The following RHOJ variants were observed in gnomAD, a reference collection of about 807,000 sequenced individuals.
RHOJ encodes the protein ras homolog family member J.
Under a neutral mutation model 23.4 loss-of-function variants are expected in RHOJ, and 11 were observed. The observed-to-expected ratio is 0.47, with a 90% CI of 0.30 to 0.78. RHOJ has a LOEUF of 0.78. Among genes scored for constraint, RHOJ ranks in the 30% least tolerant of loss-of-function variants. The pLI, the probability that RHOJ is intolerant of heterozygous loss-of-function variation, is 0.08. For missense variants in RHOJ, 254 were observed against 273.4 expected (o/e 0.93, Z 0.50); for synonymous variants, 102 against 102.7 (o/e 0.99, Z 0.04).
intron 1 of RHOJ, among the ~76,000 whole-genome samples, chr14:63,256,711 A>G (rs970556844): frequency 5.9e-5 from 9 of 152,212 alleles, no homozygotes; most frequent in African/African-American, 2.2e-4. Context: ...AGGCCGAGGC[A>G]GGCAGATCAC....
intron 4 of RHOJ, among the ~76,000 whole-genome samples, chr14:63,284,661 C>G (rs970470297): frequency 6.6e-6 from 1 of 152,296 alleles, no homozygotes; most frequent in African/African-American, 2.4e-5. Context: ...CTCAAATGCT[C>G]TCATTAAGAT....
intron 1 of RHOJ, among the ~76,000 whole-genome samples, chr14:63,265,483 T>C (rs115127710): frequency 0.053 from 8,135 of 152,358 alleles, 251 homozygotes; most frequent in East Asian, 0.086. Context: ...TCTTTTTGCT[T>C]AGAATTGCTT....
At chr14:63,290,740 AGAC>A in intron 4 of RHOJ, 135 bp from the exon 5 acceptor site, 5 of 635,982 alleles carry the variant, frequency 7.9e-6, no homozygotes, top group South Asian at 3.9e-5. Context: ...AAAAAAAAAA[AGAC>A]AAACATAATC....
intron 2 of RHOJ, among the ~76,000 whole-genome samples, chr14:63,277,269 G>T (rs1881746426): frequency 6.6e-6 from 1 of 152,148 alleles, no homozygotes; most frequent in South Asian, 2.1e-4. Flanking sequence ...CCATCAGGAG[G>T]ATGCAATGAG....
At chr14:63,249,253 C>G (rs1291615264) in intron 1 of RHOJ, among the ~76,000 whole-genome samples, 1 of 152,194 alleles carries the variant, frequency 6.6e-6, no homozygotes, top group Non-Finnish European at 1.5e-5. Context: ...CTCACCAACC[C>G]TACACACACA....
chr14:63,229,419 G>C (rs1035210937), intron 1 of RHOJ, among the ~76,000 whole-genome samples: 2 of 152,138 alleles, frequency 1.3e-5, no homozygotes, highest in Non-Finnish European at 1.5e-5. Flanking sequence ...GTATCATAAG[G>C]TCAAAATCAA....
intron 1 of RHOJ, among the ~76,000 whole-genome samples, chr14:63,206,794 G>A (rs1205073932): frequency 6.6e-6 from 1 of 152,134 alleles, no homozygotes; most frequent in Non-Finnish European, 1.5e-5. Flanking sequence ...GAGCATTAAA[G>A]CATCTTAAAG....
At chr14:63,219,881 T>C (rs1478943214) in intron 1 of RHOJ, among the ~76,000 whole-genome samples, 1 of 151,832 alleles carries the variant, frequency 6.6e-6, no homozygotes, top group Non-Finnish European at 1.5e-5. Flanking sequence ...AATTTCTACA[T>C]GAAGGGGAAT....
At chr14:63,209,482 A>G (rs1466408973) in intron 1 of RHOJ, among the ~76,000 whole-genome samples, 1 of 129,974 alleles carries the variant, frequency 7.7e-6, no homozygotes, top group Non-Finnish European at 1.7e-5. Flanking sequence ...CCAGTCTCAT[A>G]CTATTCCGCT....
chr14:63,226,336 G>C (rs1181798124), intron 1 of RHOJ, among the ~76,000 whole-genome samples: 4 of 151,948 alleles, frequency 2.6e-5, no homozygotes, highest in Non-Finnish European at 5.9e-5. Context: ...GACACCTGGA[G>C]AAAGGGGAAT....
At chr14:63,243,302 T>C (rs904128662) in intron 1 of RHOJ, among the ~76,000 whole-genome samples, 1 of 152,158 alleles carries the variant, frequency 6.6e-6, no homozygotes, top group South Asian at 2.1e-4. Flanking sequence ...ATTCCCATGC[T>C]GTTTGGAATG....
rs190019662 is a variant in RHOJ, at chr14:63,221,904, A to C, written c.178+16857A>C. On this transcript the variant is annotated intron_variant, in intron 1 of 4. Transcript: ENST00000316754. ...TTTGTTACATATGTATACATGTGCC[A>C]TGATGGGGTGCTGCACCCATTAACT... Among the ~76,000 whole-genome samples, 168 of 152,098 alleles carry C rather than the reference A, an allele frequency of 1.1e-3. 1 individual carries two copies. The highest frequency in any genetic ancestry group is 3.9e-3 in the African/African-American group (161 of 41,522).
chr14:63,226,935 C>CA (rs1894605215), intron 1 of RHOJ, among the ~76,000 whole-genome samples: 1 of 151,970 alleles, frequency 6.6e-6, no homozygotes, highest in Non-Finnish European at 1.5e-5. Flanking sequence ...AAAGATAATC[C>CA]AAAAAAGGAA....
chr14:63,280,136 A>G (rs1881851117), intron 2 of RHOJ, among the ~76,000 whole-genome samples: 1 of 151,946 alleles, frequency 6.6e-6, no homozygotes, highest in Admixed American at 6.6e-5. Context: ...CCATCCTCCC[A>G]CTTCAGCCTC....
At chr14:63,267,156 C>A (rs187763540) in intron 1 of RHOJ, among the ~76,000 whole-genome samples, 1 of 152,354 alleles carries the variant, frequency 6.6e-6, no homozygotes, top group Non-Finnish European at 1.5e-5. Flanking sequence ...AAACAGAAAG[C>A]TTCGTCCAGA....
chr14:63,225,472 A>G (rs974243714), intron 1 of RHOJ, among the ~76,000 whole-genome samples: 4 of 152,196 alleles, frequency 2.6e-5, no homozygotes, highest in Non-Finnish European at 5.9e-5. Context: ...GCGTACTGAG[A>G]GTTTCTGAAA....
intron 1 of RHOJ, among the ~76,000 whole-genome samples, chr14:63,251,900 C>A (rs1434932846): frequency 2.0e-5 from 3 of 152,056 alleles, no homozygotes; most frequent in African/African-American, 7.2e-5. Context: ...GCAGGCTGAT[C>A]ACTTGAGGCC....
intron 1 of RHOJ, among the ~76,000 whole-genome samples, chr14:63,259,639 T>A (rs1328181927): frequency 6.6e-6 from 1 of 152,226 alleles, no homozygotes; most frequent in East Asian, 1.9e-4. Flanking sequence ...GTCTTGCATA[T>A]ACTTATTGCA....
At chr14:63,238,889 T>C (rs1480169333) in intron 1 of RHOJ, among the ~76,000 whole-genome samples, 5 of 152,170 alleles carry the variant, frequency 3.3e-5, no homozygotes, top group Non-Finnish European at 7.4e-5. Context: ...ATGAGGATGA[T>C]GCAGCTTAAT....
Sources: gnomAD v4.1 joint callset for allele counts (sites outside exome capture counted in the v4.1 genomes callset) on GRCh38, gnomAD v4.1.1 for gene constraint, MANE v1.5 for transcripts, NCBI Gene and HGNC (gene_info 2026-07-23, HGNC 2026-07-21) for gene names.